The following HGF variants were observed in gnomAD, a reference collection of about 807,000 sequenced individuals.
HGF encodes the protein hepatocyte growth factor.
Under a neutral mutation model 111.6 loss-of-function variants are expected in HGF, and 39 were observed. That is an observed-to-expected ratio of 0.35 (90% CI 0.27 to 0.46). The LOEUF is 0.46. HGF is among the 20% of genes least tolerant of loss of function. The pLI is 1.00. For synonymous variants in HGF, 285 were observed against 294.8 expected (o/e 0.97, Z 0.34); for missense variants, 735 against 910.5 (o/e 0.81, Z 2.48).
At chr7:81,723,226 T>C (rs1411560517) in intron 9 of HGF, among the ~76,000 whole-genome samples, 1 of 152,074 alleles carries the variant, frequency 6.6e-6, no homozygotes, top group Non-Finnish European at 1.5e-5. Context: ...CTACTTGCAA[T>C]GGTGAGTAGA....
intron 7 of HGF, among the ~76,000 whole-genome samples, chr7:81,735,001 A>C (rs2115961018): frequency 6.6e-6 from 1 of 152,200 alleles, no homozygotes; most frequent in Non-Finnish European, 1.5e-5. Context: ...CCAGCTACTA[A>C]AGAGCAACTG....
intron 9 of HGF, among the ~76,000 whole-genome samples, chr7:81,721,104 A>T (rs374908176): frequency 2.0e-5 from 3 of 152,068 alleles, no homozygotes; most frequent in Non-Finnish European, 4.4e-5. Flanking sequence ...AAAATTAGCC[A>T]GGCGTGGTGG....
chr7:81,769,213 G>C (rs537287731), intron 1 of HGF, among the ~76,000 whole-genome samples: 9 of 152,096 alleles, frequency 5.9e-5, no homozygotes, highest in African/African-American at 2.2e-4. Context: ...CTCCCCAAAC[G>C]GCAAATCCAA....
chr7:81,741,704 C>T (rs886618501), intron 7 of HGF, among the ~76,000 whole-genome samples: 4 of 151,282 alleles, frequency 2.6e-5, no homozygotes, highest in Admixed American at 1.3e-4. Context: ...TTTGGGAGGC[C>T]GAGGCAGGCA....
chr7:81,738,055 C>A (rs562651759), intron 7 of HGF, among the ~76,000 whole-genome samples: 29 of 152,084 alleles, frequency 1.9e-4, no homozygotes, highest in African/African-American at 6.5e-4. Context: ...TAGAGGGGAA[C>A]AATAGACTGG....
chr7:81,736,894 G>GTGTGTGT (rs1554369033), intron 7 of HGF, among the ~76,000 whole-genome samples: 82 of 142,052 alleles, frequency 5.8e-4, no homozygotes, highest in Non-Finnish European at 1.1e-3. Context: ...TGTGTAGAGG[G>GTGTGTGT]GTGTGTGTGT....
intron 7 of HGF, among the ~76,000 whole-genome samples, chr7:81,738,612 A>G (rs1787912467): frequency 6.6e-6 from 1 of 152,196 alleles, no homozygotes; most frequent in Non-Finnish European, 1.5e-5. Context: ...ATTGATTGTA[A>G]CATAGAAGCT....
chr7:81,726,011 T>C lies in HGF; in HGVS notation c.1047A>G (p.Leu349=). 4.3e-6 allele frequency: 7 copies of C among 1,613,996 alleles called. No homozygotes were observed. The highest frequency in any genetic ancestry group is 5.9e-6 in the Non-Finnish European group (7 of 1,179,856). The change falls in exon 9 of 18, where the codon CTA becomes CTG. Residue 349 remains leucine, a synonymous_variant. Transcript: ENST00000222390. ...MTPENFKCKD[L]RENYCRNPDG... is the part of the protein sequence containing the mutation. ...CTGGATTTCGGCAGTAATTTTCTCG[T>C]AGGTCCCTATTGAGAATAAGCATGT...
chr7:81,721,522 GA>G (rs1562879320), intron 9 of HGF, among the ~76,000 whole-genome samples: 1 of 151,944 alleles, frequency 6.6e-6, no homozygotes, highest in African/African-American at 2.4e-5. Context: ...GTAATATAAC[GA>G]ACATTCATCT....
intron 7 of HGF, among the ~76,000 whole-genome samples, chr7:81,740,039 C>G (rs1787955530): frequency 6.6e-6 from 1 of 152,088 alleles, no homozygotes; most frequent in Non-Finnish European, 1.5e-5. Flanking sequence ...TCTCTTTACC[C>G]CCTTCCTCAC....
rs1228314400 is a variant in HGF, at chr7:81,752,239, C to T, written c.506G>A (p.Gly169Asp). 3 of 1,613,442 alleles carry T rather than the reference C, an allele frequency of 1.9e-6. No individual in the cohort carries two copies. The South Asian group carries it at 3.3e-5, about 18-fold the overall frequency. ...EHSFLPSSYR[G>D]KDLQENYCRN... is the part of the protein sequence containing the mutation. ...ACAGTAGTTTTCCTGTAGGTCTTTA[C>T]CCCGATAGCTCGAAGGCAAAAAGCT... The change falls in exon 5 of 18, where the codon GGT becomes GAT. Residue 169 changes from glycine to aspartate, a missense_variant. Gly to Asp is a moderately conservative substitution (Grantham distance 94, BLOSUM62 -1). Around this residue, in one of 3 missense-constraint regions of HGF, gnomAD observed 553 missense variants for 685.6 expected, o/e 0.81. Transcript: ENST00000222390.
chr7:81,726,098 T>C, intron 8 of HGF, 81 bp from the exon 9 acceptor site: 1 of 1,344,024 alleles, frequency 7.4e-7, no homozygotes, highest in East Asian at 2.3e-5. Flanking sequence ...TCTAGAATTC[T>C]AGAATGTATG....
intron 13 of HGF, 152 bp from the exon 14 acceptor site, chr7:81,707,516 T>A (rs1789460117): frequency 1.6e-6 from 1 of 642,596 alleles, no homozygotes; most frequent in Non-Finnish European, 2.8e-6. Context: ...GAGAAGTTCT[T>A]TTATCTGAAG....
At chr7:81,748,641 C>T (rs2116081020) in intron 5 of HGF, among the ~76,000 whole-genome samples, 1 of 149,922 alleles carries the variant, frequency 6.7e-6, no homozygotes, top group African/African-American at 2.5e-5. Context: ...ACATTATTTA[C>T]CTGCTCCAGC....
At chr7:81,725,848 C>T (rs764736553) in intron 9 of HGF, 42 bp downstream of exon 9, 3 of 1,610,004 alleles carry the variant, frequency 1.9e-6, no homozygotes, top group Non-Finnish European at 2.6e-6. Flanking sequence ...GGCATTTCCC[C>T]TGAATTTAAT....
intron 17 of HGF, among the ~76,000 whole-genome samples, chr7:81,703,029 T>G (rs1789327107): frequency 6.6e-6 from 1 of 151,682 alleles, no homozygotes; most frequent in Non-Finnish European, 1.5e-5. Context: ...TCAACCATCC[T>G]TTTAAGTGTG....
At chr7:81,720,688 T>C in intron 10 of HGF, 57 bp downstream of exon 10, 1 of 936,096 alleles carries the variant, frequency 1.1e-6, no homozygotes, top group Non-Finnish European at 1.8e-6. Context: ...CATATCTAAA[T>C]ACACAGTCTG....
At chr7:81,758,446 T>A (rs1283096946) in intron 3 of HGF, among the ~76,000 whole-genome samples, 2 of 151,690 alleles carry the variant, frequency 1.3e-5, no homozygotes, top group East Asian at 3.9e-4. Context: ...AAAATAAAAA[T>A]AAAAATAAAC....
chr7:81,732,691 A>T (rs1231471884), intron 7 of HGF, among the ~76,000 whole-genome samples: 1 of 152,110 alleles, frequency 6.6e-6, no homozygotes, highest in African/African-American at 2.4e-5. Flanking sequence ...AAAAATCAAT[A>T]TTTGGCAGGT....
Sources: gnomAD v4.1 joint callset for allele counts (sites outside exome capture counted in the v4.1 genomes callset) on GRCh38, gnomAD v4.1.1 for gene constraint, gnomAD v4.1.1 regional missense constraint, MANE v1.5 for transcripts, NCBI Gene and HGNC (gene_info 2026-07-23, HGNC 2026-07-21) for gene names.